Variants in FAM13A observed in about 807,000 individuals in gnomAD.
The protein encoded by FAM13A is protein FAM13A.
In FAM13A, 76 loss-of-function variants were observed where a neutral mutation model predicts 129.6. That is an observed-to-expected ratio of 0.59 (90% confidence interval 0.49 to 0.71). The LOEUF is 0.71. Ranked by LOEUF, FAM13A falls within the 30% of genes least tolerant of loss-of-function variation. The pLI is 0.00. For missense variants in FAM13A, 1,108 were observed against 1,249.3 expected, an observed-to-expected ratio of 0.89 and a Z score of 1.70; for synonymous variants, 443 against 449.9, an observed-to-expected ratio of 0.98 and a Z score of 0.20.
intron 1 of FAM13A, among the ~76,000 whole-genome samples, chr4:89,044,221 C>A (rs997313206): frequency 7.3e-5 from 11 of 151,682 alleles, no homozygotes; most frequent in Admixed American, 4.6e-4. Flanking sequence ...AGAATTGCAA[C>A]AATTCAACAA....
At chr4:88,818,898 C>T (rs150547028) in intron 7 of FAM13A, among the ~76,000 whole-genome samples, 14 of 152,198 alleles carry the variant, frequency 9.2e-5, no homozygotes, top group Admixed American at 2.0e-4. Flanking sequence ...CCAACATTAC[C>T]TGGGTTCTTC....
At chr4:88,892,430 C>T (rs540006067) in intron 6 of FAM13A, among the ~76,000 whole-genome samples, 16 of 152,134 alleles carry the variant, frequency 1.1e-4, no homozygotes, top group Middle Eastern at 3.4e-3. Context: ...CTGCCCGCCT[C>T]GGCCTCCCAA....
At chr4:88,731,060 C>G (rs1737634532) in intron 23 of FAM13A, among the ~76,000 whole-genome samples, 1 of 152,178 alleles carries the variant, frequency 6.6e-6, no homozygotes, top group Admixed American at 6.5e-5. Flanking sequence ...TTTGATGGGA[C>G]AGGTTCATTT....
At chr4:88,973,755 T>C (rs1334513283) in intron 4 of FAM13A, among the ~76,000 whole-genome samples, 4 of 152,156 alleles carry the variant, frequency 2.6e-5, no homozygotes, top group Non-Finnish European at 5.9e-5. Context: ...CTGCTGTAAA[T>C]TGGCCTTTAA....
At chr4:88,800,057 CAA>C (rs1561026024) in intron 8 of FAM13A, among the ~76,000 whole-genome samples, 1 of 152,124 alleles carries the variant, frequency 6.6e-6, no homozygotes, top group Non-Finnish European at 1.5e-5. Context: ...CACAAAAGGA[CAA>C]AGACTGTAAG....
intron 11 of FAM13A, among the ~76,000 whole-genome samples, chr4:88,769,752 A>C (rs1380460132): frequency 6.6e-6 from 1 of 152,002 alleles, no homozygotes. Flanking sequence ...GAATTGCTTG[A>C]ACCTGGGAGG....
chr4:88,769,104 AC>A (rs2149552330), intron 11 of FAM13A, among the ~76,000 whole-genome samples: 1 of 152,352 alleles, frequency 6.6e-6, no homozygotes, highest in African/African-American at 2.4e-5. Flanking sequence ...TATGAAAGTA[AC>A]ATATGTTCAT....
At position 88,851,190 on chromosome 4, in the gene FAM13A, G is replaced by GAAA. The variant is rs527412194; in HGVS notation, c.844-10_844-8dup. On this transcript the variant is annotated splice_region_variant and splice_polypyrimidine_tract_variant and intron_variant, in intron 6 of 23. Transcript: ENST00000264344. ...CACTCCTGGATTTTGGGATCTAGAA[G>GAAA]AAAAAAAAAAGAGGGGTGGGGGAGA... is the stretch of plus-strand genomic sequence containing the variant. The GAAA allele has an allele frequency of 1.9e-5, 25 of 1,312,752 alleles. No individual in the cohort carries two copies. The highest frequency in any genetic ancestry group is 6.4e-5 in the African/African-American group (4 of 62,346). The allele number at this position is 1,312,752 out of a possible 1,614,324, so 81.3% of individuals were successfully genotyped here. A position where few individuals can be genotyped will look rare whatever the true frequency, so the allele number is the denominator to read the frequency against.
In FAM13A at chr4:88,749,861, C is replaced by T; in HGVS notation, c.1989G>A (p.Leu663=). Residue 663 remains leucine, a synonymous_variant, in exon 16 of 24, where the codon CTG becomes CTA. Transcript: ENST00000264344. ...LGSYDDEQED[L]TPAQLTRRIQ... The stretch of plus-strand genomic sequence containing the variant: ...TCCTTCGTGTGAGCTGGGCAGGTGT[C>T]AGGTCCTCTTGCTCATCATCATAGG... The T allele has an allele frequency of 6.2e-7, 1 of 1,613,966 alleles. No individual in the cohort carries two copies. The highest frequency in any genetic ancestry group is 8.5e-7 in the Non-Finnish European group (1 of 1,179,934).
chr4:88,810,975 A>C (rs893852978), intron 7 of FAM13A, among the ~76,000 whole-genome samples: 9 of 152,192 alleles, frequency 5.9e-5, no homozygotes, highest in Admixed American at 4.6e-4. Flanking sequence ...AGAATTAAAA[A>C]ATACTGTTCT....
rs186604252 is a variant in FAM13A at position 88,774,491 on chromosome 4, A to G, written c.1459-6432T>C. 1.5e-3 allele frequency among the ~76,000 whole-genome samples: 233 copies of G among 152,302 alleles called. 4 individuals are homozygous for G. Among genetic ancestry groups the G allele is most frequent in the Non-Finnish European group, 4.0e-4 (27 of 68,020 alleles). On this transcript the variant is annotated intron_variant, in intron 11 of 23. Coordinates refer to ENST00000264344, the MANE Select transcript of FAM13A (RefSeq NM_014883.4). The stretch of plus-strand genomic sequence containing the variant: ...TGGGCTTTTTTACATTATATTTGAT[A>G]CCACCCAGAAAATCATGGTCATGTG...
rs528513542 is a variant in FAM13A at position 88,809,973 on chromosome 4, T to C, written c.1008-4921A>G. ...GTGGGGGATATTTTACAATTCTTTT[T>C]TGTAAACCCAGGCAGCTTTGTTTAT... On this transcript the variant is annotated intron_variant, in intron 7 of 23. Coordinates refer to ENST00000264344, the MANE Select transcript of FAM13A (RefSeq NM_014883.4). Among the ~76,000 whole-genome samples the C allele has an allele frequency of 9.8e-4, 149 of 152,218 alleles. No individual in the cohort carries two copies. The Middle Eastern group carries it at 0.027, about 28-fold the overall frequency.
intron 7 of FAM13A, among the ~76,000 whole-genome samples, chr4:88,809,907 C>A: frequency 6.8e-6 from 1 of 147,036 alleles, no homozygotes; most frequent in Non-Finnish European, 1.5e-5. Context: ...TAAGAGTTTT[C>A]GGATCAGTTC....
At chr4:88,906,326 A>C (rs1002048749) in intron 6 of FAM13A, 53 bp downstream of exon 6, 13 of 1,194,358 alleles carry the variant, frequency 1.1e-5, no homozygotes, top group Middle Eastern at 2.0e-4. Context: ...ACAAAAAACA[A>C]AGAACCATGC....
intron 6 of FAM13A, among the ~76,000 whole-genome samples, chr4:88,878,202 G>A (rs533705163): frequency 7.4e-5 from 11 of 148,346 alleles, no homozygotes; most frequent in Non-Finnish European, 1.3e-4. Flanking sequence ...GCAGGAGAAT[G>A]GTGTGAACCC....
At position 88,793,643 on chromosome 4, in the gene FAM13A, G is replaced by C. The variant is rs540963968; in HGVS notation, c.1050-3016C>G. Among the ~76,000 whole-genome samples, 4 of 151,910 alleles carry C rather than the reference G, an allele frequency of 2.6e-5. No homozygotes were observed. The South Asian group carries it at 8.3e-4, about 31-fold the overall frequency. ...TTGGTTAGCTTGGCTGCATTGGGTT[G>C]GTTTCTTCACATAGAAAATGAAAGG... On this transcript the variant is annotated intron_variant, in intron 8 of 23. Coordinates refer to ENST00000264344, the MANE Select transcript of FAM13A (RefSeq NM_014883.4).
intron 6 of FAM13A, among the ~76,000 whole-genome samples, chr4:88,867,522 T>G (rs1336340150): frequency 6.6e-6 from 1 of 152,258 alleles, no homozygotes; most frequent in Non-Finnish European, 1.5e-5. Flanking sequence ...TACGTGTATT[T>G]TTTGCCTCCT....
intron 2 of FAM13A, among the ~76,000 whole-genome samples, chr4:89,025,180 T>C (rs892256162): frequency 4.6e-5 from 7 of 150,844 alleles, no homozygotes; most frequent in East Asian, 3.9e-4. Context: ...TCCAGGAAGG[T>C]AGTCTATGCA....
At chr4:89,004,518 T>G (rs1206962945) in intron 3 of FAM13A, among the ~76,000 whole-genome samples, 1 of 152,224 alleles carries the variant, frequency 6.6e-6, no homozygotes, top group African/African-American at 2.4e-5. Context: ...TTTTGAAATC[T>G]TCCTCTTAAC....
Sources: gnomAD v4.1 joint callset for allele counts (sites outside exome capture counted in the v4.1 genomes callset) on GRCh38, gnomAD v4.1.1 for gene constraint, MANE v1.5 for transcripts, NCBI Gene and HGNC (gene_info 2026-07-23, HGNC 2026-07-21) for gene names.